Variants in AFAP1L2 observed in about 807,000 individuals in gnomAD.
The protein encoded by AFAP1L2 is actin filament associated protein 1 like 2.
A neutral mutation model predicts 99.3 loss-of-function variants in AFAP1L2; 46 were observed. The observed-to-expected ratio is 0.46, with a 90% confidence interval of 0.37 to 0.59. AFAP1L2 has a LOEUF of 0.59. AFAP1L2 is among the 20% of genes least tolerant of loss of function. AFAP1L2 has a pLI of 0.00. For synonymous variants in AFAP1L2, 397 were observed against 419.1 expected (o/e 0.95, Z 0.64); for missense variants, 959 against 1,034.9 (o/e 0.93, Z 1.01).
intron 2 of AFAP1L2, among the ~76,000 whole-genome samples, chr10:114,336,319 G>A (rs978446478): frequency 2.0e-5 from 3 of 152,250 alleles, no homozygotes; most frequent in Non-Finnish European, 2.9e-5. Flanking sequence ...TCTGGGAGGC[G>A]GCAGCCTTGG....
At chr10:114,320,832 T>G (rs1564858202) in intron 5 of AFAP1L2, among the ~76,000 whole-genome samples, 1 of 152,230 alleles carries the variant, frequency 6.6e-6, no homozygotes, top group African/African-American at 2.4e-5. Flanking sequence ...AAGTGCTCAC[T>G]GCGGTGAGTC....
chr10:114,404,642 T>G (rs1403709578), upstream of AFAP1L2: 1 of 781,518 alleles, frequency 1.3e-6, no homozygotes, highest in Non-Finnish European at 1.7e-6. Flanking sequence ...CCAGCGCCCC[T>G]GTCCCAGCGC....
intron 1 of AFAP1L2, among the ~76,000 whole-genome samples, chr10:114,362,455 G>C (rs538539546): frequency 1.1e-4 from 17 of 152,210 alleles, no homozygotes; most frequent in Non-Finnish European, 2.4e-4. Flanking sequence ...CAGAGAATAA[G>C]GTCTTGTGAA....
At chr10:114,338,754 G>A (rs2048347571) in intron 2 of AFAP1L2, among the ~76,000 whole-genome samples, 1 of 152,146 alleles carries the variant, frequency 6.6e-6, no homozygotes, top group Admixed American at 6.5e-5. Flanking sequence ...TGGGCGGCTG[G>A]GAATGGCCAA....
intron 1 of AFAP1L2, among the ~76,000 whole-genome samples, chr10:114,342,991 G>A (rs2135979615): frequency 1.3e-5 from 2 of 152,282 alleles, no homozygotes; most frequent in Non-Finnish European, 1.5e-5. Flanking sequence ...TGAAAGCAAA[G>A]CAAATCTATC....
chr10:114,340,745 A>C lies in AFAP1L2; in HGVS notation c.17-14T>G, dbSNP rs374339738. On this transcript the variant is annotated splice_polypyrimidine_tract_variant and intron_variant, in intron 1 of 18. Transcript: ENST00000304129. ...GCTGTTCCAGGGCTAGGGACAGGAA[A>C]CAGAAGAAACTTATAGTGGCTGCCC... 6.2e-6 allele frequency: 10 copies of C among 1,614,008 alleles called. No homozygotes were observed. In the African/African-American group the frequency reaches 1.3e-4, roughly 22 times the overall value.
chr10:114,394,316 T>C (rs1252580478), intron 1 of AFAP1L2, among the ~76,000 whole-genome samples: 4 of 152,280 alleles, frequency 2.6e-5, no homozygotes, highest in South Asian at 2.1e-4. Context: ...GGGAGTAAGA[T>C]ACTGAGAATA....
rs776884991 is a variant in AFAP1L2 at position 114,340,794 on chromosome 10, ACACCTCGGGACCCTGCAGCCTCC to A, written c.17-86_17-64del. The A allele has an allele frequency of 7.2e-5, 116 of 1,608,950 alleles. No individual in the cohort carries two copies. In the Admixed American group the frequency reaches 1.7e-3, roughly 23 times the overall value. On this transcript the variant is annotated intron_variant, in intron 1 of 18. Transcript: ENST00000304129. ...CCGCTCTCCAAAGCCCAGCTCAGAT[ACACCTCGGGACCCTGCAGCCTCC>A]CACCTCGAACCCTCTGGTCCCAAGA...
intron 1 of AFAP1L2, among the ~76,000 whole-genome samples, chr10:114,385,774 T>C (rs1004546550): frequency 6.6e-6 from 1 of 152,114 alleles, no homozygotes; most frequent in Non-Finnish European, 1.5e-5. Context: ...GTTCCAGCAT[T>C]CCAGGGGACA....
chr10:114,310,598 C>T (rs1009510205), intron 7 of AFAP1L2, among the ~76,000 whole-genome samples, 155 bp from the exon 8 acceptor site: 1 of 152,218 alleles, frequency 6.6e-6, no homozygotes, highest in Non-Finnish European at 1.5e-5. Flanking sequence ...GACCCCAGCC[C>T]CAAGGCCTGC....
At chr10:114,288,070 C>T in the AFAP1L2 span, among the ~76,000 whole-genome samples, 1 of 152,196 alleles carries the variant, frequency 6.6e-6, no homozygotes, top group Non-Finnish European at 1.5e-5. Flanking sequence ...CCCCTTTGCA[C>T]TTGGAATAAA....
At chr10:114,373,614 G>T (rs1178994123) in intron 1 of AFAP1L2, among the ~76,000 whole-genome samples, 1 of 151,990 alleles carries the variant, frequency 6.6e-6, no homozygotes, top group African/African-American at 2.4e-5. Flanking sequence ...GACAGAGACA[G>T]ATTCTGTCTC....
At position 114,294,952 on chromosome 10, in the gene AFAP1L2, A is replaced by C; in HGVS notation, c.*1090T>G. The C allele has an allele frequency of 4.1e-6, 4 of 985,204 alleles. No homozygotes were observed. Among genetic ancestry groups the C allele is most frequent in the Non-Finnish European group, 3.6e-6 (3 of 829,508 alleles). 61.0% of individuals were successfully genotyped at this position (985,204 alleles called of 1,614,324 possible). A position where few individuals can be genotyped will look rare whatever the true frequency, so the allele number is the denominator to read the frequency against. On this transcript the variant is annotated 3_prime_UTR_variant, in exon 19 of 19. Transcript: ENST00000304129. The stretch of plus-strand genomic sequence containing the variant: ...TTTAGTTCTCAGGAACAAGTGTTAG[A>C]GAACTGATACACAACCCTCCAGAAA...
chr10:114,388,051 A>G (rs1373705193), intron 1 of AFAP1L2, among the ~76,000 whole-genome samples: 1 of 152,162 alleles, frequency 6.6e-6, no homozygotes, highest in East Asian at 1.9e-4. Flanking sequence ...TCTTGGGAGA[A>G]AGATGAAGGA....
At chr10:114,384,446 G>C (rs149771876) in intron 1 of AFAP1L2, among the ~76,000 whole-genome samples, 302 of 152,328 alleles carry the variant, frequency 2.0e-3, no homozygotes, top group African/African-American at 6.9e-3. Flanking sequence ...TGTGAGCGTA[G>C]ATGGAGGACA....
chr10:114,289,451 G>T, the AFAP1L2 span: 7 of 1,614,136 alleles, frequency 4.3e-6, no homozygotes, highest in Middle Eastern at 4.9e-4. Flanking sequence ...GCCGACCTGC[G>T]GTACCACCAG....
chr10:114,379,350 TACCCAGCTCCTC>T (rs2055284793), intron 1 of AFAP1L2, among the ~76,000 whole-genome samples: 1 of 151,970 alleles, frequency 6.6e-6, no homozygotes, highest in African/African-American at 2.4e-5. Flanking sequence ...AGTGACTACC[TACCCAGCTCCTC>T]CCCCACAGTG....
At chr10:114,392,668 C>G (rs2057283224) in intron 1 of AFAP1L2, among the ~76,000 whole-genome samples, 1 of 152,206 alleles carries the variant, frequency 6.6e-6, no homozygotes, top group South Asian at 2.1e-4. Flanking sequence ...ACCATTTTCA[C>G]ACTCATAATG....
rs765900240 is a variant in AFAP1L2 at position 114,377,610 on chromosome 10, G to A, written c.16+26830C>T. 5.9e-5 allele frequency among the ~76,000 whole-genome samples: 9 copies of A among 152,234 alleles called. No individual in the cohort carries two copies. Among genetic ancestry groups the A allele is most frequent in the Admixed American group, 1.3e-4 (2 of 15,290 alleles). On this transcript the variant is annotated intron_variant, in intron 1 of 18. Transcript: ENST00000304129. The surrounding 1 kb of genome is among the most constrained non-coding windows in gnomAD (Gnocchi z 4.0). ...TGGCAAAATAGCAGTCAATGGTATA[G>A]AGTGGTTATTCGATTTCCCCAGTGT...
Sources: gnomAD v4.1 joint callset for allele counts (sites outside exome capture counted in the v4.1 genomes callset) on GRCh38, gnomAD v4.1.1 for gene constraint, Gnocchi (gnomAD v3.1) non-coding constraint, MANE v1.5 for transcripts, NCBI Gene and HGNC (gene_info 2026-07-23, HGNC 2026-07-21) for gene names.